The following SLC9A7 variants were observed in gnomAD, a reference collection of about 807,000 sequenced individuals.
The protein encoded by SLC9A7 is solute carrier family 9 member A7, also known as sodium/hydrogen exchanger 7.
In SLC9A7, 19 loss-of-function variants were observed where a neutral mutation model predicts 52.6. The observed-to-expected ratio is 0.36, with a 90% CI of 0.25 to 0.53. SLC9A7 has a LOEUF of 0.53. Among genes scored for constraint, SLC9A7 ranks in the 20% least tolerant of loss-of-function variants. The probability of loss-of-function intolerance (pLI) is 0.91; values close to 1 mark genes in which losing one functional copy is unlikely to be tolerated. For synonymous variants in SLC9A7, 226 were observed against 252.1 expected (o/e 0.90, Z 0.98); for missense variants, 455 against 597.9 (o/e 0.76, Z 2.49).
In SLC9A7 at chrX:46,606,936, G is replaced by A; in HGVS notation, c.*16C>T. The A allele has an allele frequency of 1.7e-6, 2 of 1,210,881 alleles. No homozygotes were observed. The highest frequency in any genetic ancestry group is 2.2e-6 in the Non-Finnish European group (2 of 895,024). On this transcript the variant is annotated 3_prime_UTR_variant, in exon 17 of 17. Coordinates refer to ENST00000616978, the MANE Select transcript of SLC9A7 (RefSeq NM_001257291.2). ...ATCGGGAGCCTACCCCATCGCGCCA[G>A]GGCTTGGGGGGAAAGTCAAGCATTA...
chrX:46,750,958 C>T (rs1361455959), intron 1 of SLC9A7, among the ~76,000 whole-genome samples: 1 of 112,078 alleles, frequency 8.9e-6, no homozygotes, highest in Non-Finnish European at 1.9e-5. Flanking sequence ...TAACAAAGTA[C>T]TCATCAAATA....
intron 1 of SLC9A7, among the ~76,000 whole-genome samples, chrX:46,724,141 CT>C (rs112964365): frequency 1.7e-3 from 186 of 106,612 alleles, no homozygotes; most frequent in Middle Eastern, 4.8e-3. Context: ...ATTAATTCCA[CT>C]TTTTTTTTTT....
intron 3 of SLC9A7, among the ~76,000 whole-genome samples, chrX:46,679,223 T>C (rs1312406416): frequency 8.8e-6 from 1 of 113,002 alleles, no homozygotes; most frequent in Non-Finnish European, 1.9e-5. Flanking sequence ...TTCTGTTTTA[T>C]TGTTGAGTAA....
chrX:46,756,731 T>C (rs1014670419), intron 1 of SLC9A7, among the ~76,000 whole-genome samples: 9 of 112,268 alleles, frequency 8.0e-5, no homozygotes, highest in African/African-American at 2.9e-4. Flanking sequence ...CTCAAAGATA[T>C]AGAACAAAAT....
intron 11 of SLC9A7, among the ~76,000 whole-genome samples, chrX:46,645,812 G>A (rs917294148): frequency 9.0e-6 from 1 of 110,654 alleles, no homozygotes; most frequent in Non-Finnish European, 1.9e-5. Context: ...GAAACAAGGC[G>A]GGGCAGGGAT....
At chrX:46,733,276 T>C (rs57067029) in intron 1 of SLC9A7, among the ~76,000 whole-genome samples, 1,740 of 111,866 alleles carry the variant, frequency 0.016, 34 homozygotes, top group African/African-American at 0.054. Context: ...TTAAGGGCTA[T>C]ATACACGTTA....
intron 11 of SLC9A7, chrX:46,646,822 A>G (rs751887436): frequency 8.5e-5 from 28 of 330,511 alleles, no homozygotes; most frequent in African/African-American, 6.9e-4. Flanking sequence ...TCCCCTCCTT[A>G]ATCTGGGGAA....
intron 1 of SLC9A7, among the ~76,000 whole-genome samples, chrX:46,743,626 T>C (rs1569525902): frequency 8.9e-6 from 1 of 111,914 alleles, no homozygotes; most frequent in East Asian, 2.8e-4. Flanking sequence ...CTGCTGATCT[T>C]GCTGTGTATG....
At chrX:46,648,593 T>C (rs909282798) in intron 11 of SLC9A7, 93 bp downstream of exon 11, 83 of 665,083 alleles carry the variant, frequency 1.2e-4, no homozygotes, top group Non-Finnish European at 1.8e-4. Context: ...ACTTGAATGC[T>C]TGTCTTTTTA....
rs138527509 is a variant in SLC9A7, at chrX:46,624,141, C to T, written c.1741-3082G>A. 3.4e-3 allele frequency among the ~76,000 whole-genome samples: 385 copies of T among 112,597 alleles called. 2 individuals carry two copies. Among genetic ancestry groups the T allele is most frequent in the African/African-American group, 0.011 (353 of 30,987 alleles). The stretch of plus-strand genomic sequence containing the variant: ...TGCATCTCTTCCATTAGGCTATTTC[C>T]GAGTTGTATCCTTTATAACAAACTG... On this transcript the variant is annotated intron_variant, in intron 14 of 16. Transcript: ENST00000616978.
At chrX:46,661,639 C>T (rs1450750045) in intron 7 of SLC9A7, among the ~76,000 whole-genome samples, 2 of 111,318 alleles carry the variant, frequency 1.8e-5, no homozygotes, top group East Asian at 2.8e-4. Context: ...TGGCCGGGAA[C>T]AGCAGTTGGC....
At chrX:46,631,167 T>C (rs1300758483) in intron 14 of SLC9A7, among the ~76,000 whole-genome samples, 2 of 112,729 alleles carry the variant, frequency 1.8e-5, no homozygotes, top group Non-Finnish European at 3.8e-5. Context: ...TCCCAGGCCC[T>C]GGAGAAACAG....
chrX:46,624,239 C>G (rs888547696), intron 14 of SLC9A7, among the ~76,000 whole-genome samples: 7 of 112,003 alleles, frequency 6.2e-5, no homozygotes, highest in Non-Finnish European at 3.8e-5. Flanking sequence ...GGGAACCCCC[C>G]CCTATAGCCA....
At chrX:46,707,679 CAA>C (rs1264015654) in intron 1 of SLC9A7, among the ~76,000 whole-genome samples, 1 of 112,239 alleles carries the variant, frequency 8.9e-6, no homozygotes, top group African/African-American at 3.2e-5. Context: ...GCAAAAGAAT[CAA>C]AAGAGATATT....
chrX:46,626,830 C>T (rs761493461), intron 14 of SLC9A7, among the ~76,000 whole-genome samples: 9 of 112,193 alleles, frequency 8.0e-5, no homozygotes, highest in Non-Finnish European at 1.5e-4. Context: ...TATGATTGTG[C>T]GTTTCCTGAG....
intron 5 of SLC9A7, among the ~76,000 whole-genome samples, chrX:46,666,999 C>T (rs1183124733): frequency 8.9e-6 from 1 of 112,113 alleles, no homozygotes; most frequent in Admixed American, 9.5e-5. Context: ...TGGAAACATG[C>T]TTGGCTTCAG....
Position 46,606,396 on chromosome X carries a change from G to T in SLC9A7, c.*556C>A. 1.3e-6 allele frequency: 1 copy of T among 755,561 alleles called. No homozygotes were observed. Among genetic ancestry groups the T allele is most frequent in the African/African-American group, 2.3e-5 (1 of 43,866 alleles). The allele number at this position is 755,561 out of a possible 1,213,427, so 62.3% of individuals were successfully genotyped here. On this transcript the variant is annotated 3_prime_UTR_variant, in exon 17 of 17. Coordinates refer to ENST00000616978, the MANE Select transcript of SLC9A7 (RefSeq NM_001257291.2). Reference sequence around the variant, plus strand: ...CTAGAAAAAACACAGGCAGCATAAAGTCAGGAATCCTGATATGAGGTTGCA... The same window carrying T: ...CTAGAAAAAACACAGGCAGCATAAATTCAGGAATCCTGATATGAGGTTGCA...
In SLC9A7 at chrX:46,621,103, A is replaced by G. The variant is rs921355744; in HGVS notation, c.1741-44T>C. The G allele has an allele frequency of 4.3e-6, 4 of 924,390 alleles. No homozygotes were observed. The African/African-American group carries it at 7.8e-5, about 18-fold the overall frequency. 76.2% of individuals were successfully genotyped at this position (924,390 alleles called of 1,213,427 possible). A position where few individuals can be genotyped will look rare whatever the true frequency, so the allele number is the denominator to read the frequency against. The stretch of plus-strand genomic sequence containing the variant: ...GCACATGCTTAGTTGTACAAAAGGG[A>G]TCTCAAAGAAAGGGGAAAAAAAACC... On this transcript the variant is annotated intron_variant, in intron 14 of 16. Transcript: ENST00000616978.
At chrX:46,676,766 T>C (rs1944125315) in intron 3 of SLC9A7, among the ~76,000 whole-genome samples, 1 of 111,352 alleles carries the variant, frequency 9.0e-6, no homozygotes, top group Admixed American at 9.5e-5. Flanking sequence ...ATAGATGACA[T>C]ACAAATTCGG....
Sources: allele counts gnomAD v4.1 joint callset (sites outside exome capture counted in the v4.1 genomes callset), GRCh38; gene constraint gnomAD v4.1.1; transcripts MANE v1.5; gene names NCBI Gene and HGNC (gene_info 2026-07-23, HGNC 2026-07-21).